GRM8: variants seen among roughly 807,000 people sequenced by gnomAD.
The protein encoded by GRM8 is metabotropic glutamate receptor 8.
GRM8 carries 47 observed loss-of-function variants against 87.2 expected under a neutral mutation model. That is an observed-to-expected ratio of 0.54 (90% CI 0.43 to 0.69). The LOEUF (loss-of-function observed/expected upper bound fraction) is 0.69, where lower values mean the gene tolerates loss of function less well. Among genes scored for constraint, GRM8 ranks in the 30% least tolerant of loss-of-function variants. GRM8 has a pLI of 0.00. For missense variants in GRM8, 1,019 were observed against 1,139.2 expected, an observed-to-expected ratio of 0.89 and a Z score of 1.52; for synonymous variants, 396 against 404.5, an observed-to-expected ratio of 0.98 and a Z score of 0.25.
chr7:126,805,285 G>A (rs969000938), intron 6 of GRM8, among the ~76,000 whole-genome samples: 1 of 152,068 alleles, frequency 6.6e-6, no homozygotes. Context: ...CCCACCTCTG[G>A]TTAGCCTACC....
intron 2 of GRM8, among the ~76,000 whole-genome samples, chr7:127,192,776 T>G (rs1795091008): frequency 2.6e-5 from 4 of 152,222 alleles, no homozygotes; most frequent in Admixed American, 2.6e-4. Flanking sequence ...AAAGCCTTGT[T>G]GGCGAAGAGA....
chr7:126,864,230 G>A (rs1798402093), intron 6 of GRM8, among the ~76,000 whole-genome samples: 1 of 151,954 alleles, frequency 6.6e-6, no homozygotes, highest in African/African-American at 2.4e-5. Context: ...CAGTTTCACT[G>A]TGATGTTTCT....
At chr7:126,580,660 TA>T (rs1390526766) in intron 8 of GRM8, among the ~76,000 whole-genome samples, 1 of 152,126 alleles carries the variant, frequency 6.6e-6, no homozygotes, top group Non-Finnish European at 1.5e-5. Context: ...TGAACTTAAA[TA>T]AGCAACTTAT....
At chr7:126,930,328 C>T (rs889972201) in intron 3 of GRM8, among the ~76,000 whole-genome samples, 6 of 152,166 alleles carry the variant, frequency 3.9e-5, no homozygotes, top group Middle Eastern at 3.2e-3. Flanking sequence ...TATGAGCTAG[C>T]ACATGCAAAA....
chr7:126,566,800 C>T (rs753931680), intron 8 of GRM8, among the ~76,000 whole-genome samples: 7 of 151,822 alleles, frequency 4.6e-5, no homozygotes, highest in Non-Finnish European at 7.4e-5. Flanking sequence ...GGCAGATGAA[C>T]GGAAAAGAAA....
chr7:126,509,278 C>A (rs1425901785), intron 9 of GRM8, among the ~76,000 whole-genome samples: 2 of 151,976 alleles, frequency 1.3e-5, no homozygotes. Flanking sequence ...TAGCTAATAT[C>A]ACATAGTGGA....
chr7:127,163,079 G>C (rs1269035159), intron 2 of GRM8, among the ~76,000 whole-genome samples: 1 of 152,120 alleles, frequency 6.6e-6, no homozygotes, highest in East Asian at 1.9e-4. Flanking sequence ...GTAACAGAGG[G>C]ATAGGGGTTG....
intron 3 of GRM8, among the ~76,000 whole-genome samples, chr7:127,078,918 G>A (rs1279063641): frequency 6.6e-6 from 1 of 152,150 alleles, no homozygotes; most frequent in Non-Finnish European, 1.5e-5. Flanking sequence ...CGGTTGGTGA[G>A]AAAGAAAAAT....
At chr7:126,984,888 T>C (rs1811892702) in intron 3 of GRM8, among the ~76,000 whole-genome samples, 1 of 152,216 alleles carries the variant, frequency 6.6e-6, no homozygotes, top group East Asian at 1.9e-4. Context: ...TGTTTGGTTC[T>C]GAAAATGATT....
chr7:126,894,591 T>C (rs1490663441), intron 6 of GRM8, among the ~76,000 whole-genome samples: 1 of 152,030 alleles, frequency 6.6e-6, no homozygotes, highest in Non-Finnish European at 1.5e-5. Flanking sequence ...AAATGTTAGT[T>C]TCTCAGACCA....
At position 127,098,441 on chromosome 7, in the gene GRM8, G is replaced by T. The variant is rs1330751334; in HGVS notation, c.727+8055C>A. Among the ~76,000 whole-genome samples, 3 of 152,116 alleles carry T rather than the reference G, an allele frequency of 2.0e-5. No homozygotes were observed. In the East Asian group the frequency reaches 5.8e-4, roughly 29 times the overall value. On this transcript the variant is annotated intron_variant, in intron 3 of 10. Transcript: ENST00000339582. ...AATCCATTTCAGTTACCAGAAACTTGCTTCTTGTTTATAACCCAAGAGGGG... is the reference window on the plus strand; with the variant it reads ...AATCCATTTCAGTTACCAGAAACTTTCTTCTTGTTTATAACCCAAGAGGGG...
intron 7 of GRM8, among the ~76,000 whole-genome samples, chr7:126,727,566 A>T (rs1404770970): frequency 6.6e-6 from 1 of 152,122 alleles, no homozygotes; most frequent in Non-Finnish European, 1.5e-5. Context: ...ACATAAAAGG[A>T]AATACCTCAT....
rs1174090242 is a variant in GRM8, at chr7:126,624,994, CTGTT to C, written c.1358-15500_1358-15497del. On this transcript the variant is annotated intron_variant, in intron 7 of 10. Coordinates refer to ENST00000339582, the MANE Select transcript of GRM8 (RefSeq NM_000845.3). ...TGTGAGTATAAAACAAACTTCTATT[CTGTT>C]TGAGTCATTACAGGTTGTCAGTCTA... 3.3e-5 allele frequency among the ~76,000 whole-genome samples: 5 copies of C among 152,296 alleles called. 1 individual carries two copies. The highest frequency in any genetic ancestry group is 1.2e-4 in the African/African-American group (5 of 41,580).
intron 3 of GRM8, among the ~76,000 whole-genome samples, chr7:127,063,177 C>G (rs575952968): frequency 7.0e-4 from 105 of 151,074 alleles, no homozygotes; most frequent in Admixed American, 5.3e-3. Context: ...GGCGTGAACC[C>G]AGGAGGCAGA....
At chr7:126,618,507 A>C (rs1199893447) in intron 7 of GRM8, among the ~76,000 whole-genome samples, 1 of 152,244 alleles carries the variant, frequency 6.6e-6, no homozygotes, top group Non-Finnish European at 1.5e-5. Flanking sequence ...CAATGGCAAC[A>C]AAAGTCAAAA....
chr7:126,741,691 A>G (rs1170843033), intron 7 of GRM8, among the ~76,000 whole-genome samples: 1 of 152,140 alleles, frequency 6.6e-6, no homozygotes, highest in Non-Finnish European at 1.5e-5. Flanking sequence ...CGATAGTATA[A>G]TAATAAGGGG....
intron 9 of GRM8, among the ~76,000 whole-genome samples, chr7:126,487,068 T>C (rs1234803386): frequency 6.6e-6 from 1 of 152,112 alleles, no homozygotes; most frequent in African/African-American, 2.4e-5. Flanking sequence ...CCTCAAATTA[T>C]AAAGCATTTT....
intron 3 of GRM8, among the ~76,000 whole-genome samples, chr7:126,953,226 C>A (rs1808340932): frequency 6.6e-6 from 1 of 152,058 alleles, no homozygotes; most frequent in Non-Finnish European, 1.5e-5. Context: ...GAAAATTATA[C>A]CGGGGAAACC....
chr7:127,176,033 T>C (rs979571058), intron 2 of GRM8, among the ~76,000 whole-genome samples: 1 of 152,200 alleles, frequency 6.6e-6, no homozygotes, highest in Non-Finnish European at 1.5e-5. Flanking sequence ...GACAGCAATG[T>C]CATAACAGAT....
Sources: gnomAD v4.1 joint callset for allele counts (sites outside exome capture counted in the v4.1 genomes callset) on GRCh38, gnomAD v4.1.1 for gene constraint, MANE v1.5 for transcripts, NCBI Gene and HGNC (gene_info 2026-07-23, HGNC 2026-07-21) for gene names.